The following FRMD4A variants were observed in gnomAD, a reference collection of about 807,000 sequenced individuals.
FRMD4A encodes FERM domain-containing protein 4A.
A neutral mutation model predicts 129.1 loss-of-function variants in FRMD4A; 29 were observed. That is an observed-to-expected ratio of 0.22 (90% CI 0.17 to 0.31). FRMD4A has a LOEUF of 0.31. Among genes scored for constraint, FRMD4A ranks in the 10% least tolerant of loss-of-function variants. The probability of loss-of-function intolerance (pLI) is 1.00; values close to 1 mark genes in which losing one functional copy is unlikely to be tolerated. For synonymous variants in FRMD4A, 634 were observed against 571.6 expected (o/e 1.11, Z -1.56); for missense variants, 1,272 against 1,375.8 (o/e 0.92, Z 1.19).
intron 8 of FRMD4A, among the ~76,000 whole-genome samples, chr10:13,753,598 G>A (rs139711220): frequency 2.7e-4 from 39 of 142,720 alleles, no homozygotes; most frequent in African/African-American, 5.5e-4. Flanking sequence ...AGGCTAGAGC[G>A]CAGTTTTGAG....
chr10:14,317,585 C>T (rs566692368), intron 2 of FRMD4A, among the ~76,000 whole-genome samples: 33 of 152,092 alleles, frequency 2.2e-4, no homozygotes, highest in Admixed American at 2.2e-3. Flanking sequence ...ACACACATAT[C>T]CACATATCCT....
intron 2 of FRMD4A, among the ~76,000 whole-genome samples, chr10:14,173,136 G>A (rs1164216483): frequency 6.6e-6 from 1 of 152,202 alleles, no homozygotes; most frequent in Non-Finnish European, 1.5e-5. Context: ...TAACTCTGCT[G>A]TGTGTTTAGA....
chr10:14,295,116 A>C (rs1845968832), intron 2 of FRMD4A, among the ~76,000 whole-genome samples: 1 of 152,120 alleles, frequency 6.6e-6, no homozygotes, highest in South Asian at 2.1e-4. Context: ...TTTTACATGG[A>C]GTGGAAGAAA....
At chr10:14,028,173 T>C (rs1040701936) in intron 2 of FRMD4A, among the ~76,000 whole-genome samples, 2 of 152,256 alleles carry the variant, frequency 1.3e-5, no homozygotes, top group African/African-American at 2.4e-5. Flanking sequence ...TTAATACTTA[T>C]ATCAAATGTG....
At chr10:14,304,356 A>C (rs1846278480) in intron 2 of FRMD4A, among the ~76,000 whole-genome samples, 1 of 152,036 alleles carries the variant, frequency 6.6e-6, no homozygotes, top group African/African-American at 2.4e-5. Context: ...GTGACATCTC[A>C]TTTTGGCTTT....
At chr10:14,236,631 G>A (rs145603004) in intron 2 of FRMD4A, among the ~76,000 whole-genome samples, 1 of 152,296 alleles carries the variant, frequency 6.6e-6, no homozygotes, top group African/African-American at 2.4e-5. Context: ...TCAATGAGTC[G>A]GTGCCCCACT....
At chr10:14,029,491 C>T (rs899598320) in intron 2 of FRMD4A, among the ~76,000 whole-genome samples, 6 of 152,262 alleles carry the variant, frequency 3.9e-5, no homozygotes, top group African/African-American at 9.6e-5. Context: ...AGGACAACCA[C>T]GTGTAAGCCC....
At chr10:13,931,775 TA>T (rs59824238) in intron 2 of FRMD4A, among the ~76,000 whole-genome samples, 4,590 of 129,248 alleles carry the variant, frequency 0.036, 282 homozygotes, top group East Asian at 0.27. Flanking sequence ...TCATCTTTAC[TA>T]AAAAAAAAAA....
chr10:14,205,019 C>G (rs1842739708), intron 2 of FRMD4A, among the ~76,000 whole-genome samples: 2 of 151,682 alleles, frequency 1.3e-5, no homozygotes, highest in Non-Finnish European at 2.9e-5. Context: ...TTAACCCTTC[C>G]TTACCAAAGT....
intron 2 of FRMD4A, among the ~76,000 whole-genome samples, chr10:14,009,758 T>C (rs1292289339): frequency 6.6e-6 from 1 of 152,162 alleles, no homozygotes; most frequent in Admixed American, 6.5e-5. Context: ...AATTGGGCTT[T>C]GTTCGTAATT....
At chr10:14,102,086 G>A (rs2131776580) in intron 2 of FRMD4A, among the ~76,000 whole-genome samples, 1 of 152,294 alleles carries the variant, frequency 6.6e-6, no homozygotes, top group South Asian at 2.1e-4. Context: ...AGGATGCAAA[G>A]GAGCTCAGAA....
intron 2 of FRMD4A, among the ~76,000 whole-genome samples, chr10:14,047,890 A>G (rs776265478): frequency 7.2e-5 from 11 of 152,124 alleles, no homozygotes; most frequent in Admixed American, 1.3e-4. Context: ...TGTGTAGACT[A>G]TTGAAGTTAG....
At chr10:14,176,435 C>T (rs185509093) in intron 2 of FRMD4A, among the ~76,000 whole-genome samples, 1 of 148,034 alleles carries the variant, frequency 6.8e-6, no homozygotes, top group East Asian at 2.0e-4. Context: ...ACCAAAATGT[C>T]TCCACGAGAA....
chr10:13,820,832 G>A (rs1172183144), intron 3 of FRMD4A, among the ~76,000 whole-genome samples: 2 of 152,240 alleles, frequency 1.3e-5, no homozygotes, highest in South Asian at 2.1e-4. Context: ...CTGGATGGGT[G>A]GCTCCCTGCC....
intron 2 of FRMD4A, among the ~76,000 whole-genome samples, chr10:14,289,475 C>T (rs1382011291): frequency 1.3e-5 from 2 of 151,976 alleles, no homozygotes; most frequent in Admixed American, 6.6e-5. Context: ...ATTGGGTTAT[C>T]GTCATTATCT....
chr10:13,866,594 T>C (rs1480750913), intron 2 of FRMD4A, among the ~76,000 whole-genome samples: 1 of 152,142 alleles, frequency 6.6e-6, no homozygotes, highest in Non-Finnish European at 1.5e-5. Context: ...AGGAGATGAA[T>C]GAATGTCACG....
At chr10:13,796,451 T>C (rs758204662) in intron 5 of FRMD4A, 45 bp downstream of exon 5, 3 of 940,428 alleles carry the variant, frequency 3.2e-6, no homozygotes, top group South Asian at 2.6e-5. Flanking sequence ...ACTTCCCTGA[T>C]AAAGAACACA....
Position 13,786,125 on chromosome 10 carries a change from A to G in FRMD4A, c.300-3119T>C, listed in dbSNP as rs554806514. On this transcript the variant is annotated intron_variant, in intron 5 of 24. Transcript: ENST00000357447. Reference sequence around the variant, plus strand: ...ATAGCAGCATGATTTATAATCCTTCAGGTATATACCCAGTAATGGGATGGC... The same window carrying G: ...ATAGCAGCATGATTTATAATCCTTCGGGTATATACCCAGTAATGGGATGGC... 9.0e-3 allele frequency among the ~76,000 whole-genome samples: 1,370 copies of G among 152,236 alleles called. 24 individuals are homozygous for G. Among genetic ancestry groups the G allele is most frequent in the African/African-American group, 0.031 (1,295 of 41,522 alleles).
chr10:14,186,064 A>T (rs1295694641), intron 2 of FRMD4A, among the ~76,000 whole-genome samples: 2 of 152,126 alleles, frequency 1.3e-5, no homozygotes, highest in South Asian at 4.1e-4. Flanking sequence ...TAAAGGAGAC[A>T]CTGGAAACCA....
Sources: allele counts gnomAD v4.1 joint callset (sites outside exome capture counted in the v4.1 genomes callset), GRCh38; gene constraint gnomAD v4.1.1; transcripts MANE v1.5; gene names NCBI Gene and HGNC (gene_info 2026-07-23, HGNC 2026-07-21).